Variants in DLEC1 observed in about 807,000 individuals in gnomAD.
DLEC1 encodes DLEC1 cilia and flagella associated protein, also known as deleted in lung and esophageal cancer protein 1.
Under a neutral mutation model 198.1 loss-of-function variants are expected in DLEC1, and 146 were observed. That is an observed-to-expected ratio of 0.74 (90% CI 0.64 to 0.85). The LOEUF (loss-of-function observed/expected upper bound fraction) is 0.85, where lower values mean the gene tolerates loss of function less well. Among genes scored for constraint, DLEC1 ranks in the 40% least tolerant of loss-of-function variants. The pLI, the probability that DLEC1 is intolerant of heterozygous loss-of-function variation, is 0.00. For missense variants in DLEC1, 2,233 were observed against 2,220.0 expected (o/e 1.01, Z -0.12); for synonymous variants, 897 against 866.8 (o/e 1.03, Z -0.61).
intron 2 of DLEC1, among the ~76,000 whole-genome samples, chr3:38,049,571 C>A (rs1037133031): frequency 3.3e-5 from 5 of 152,172 alleles, no homozygotes; most frequent in East Asian, 1.9e-4. Flanking sequence ...TGCCCAGGAG[C>A]CACAGTGTTA....
In DLEC1 at chr3:38,114,903, C is replaced by T. The variant is rs534341770; in HGVS notation, c.3786-80C>T. 2.1e-5 allele frequency: 27 copies of T among 1,269,570 alleles called. No individual in the cohort carries two copies. The Middle Eastern group carries it at 7.9e-4, about 37-fold the overall frequency. 78.6% of individuals were successfully genotyped at this position (1,269,570 alleles called of 1,614,324 possible). A position where few individuals can be genotyped will look rare whatever the true frequency, so the allele number is the denominator to read the frequency against. ...ACTGTGGTATTTCCCCCTGCCTGAGCCCCCAGTCCCAGCCCTCCTCCCTAC... is the reference window on the plus strand; with the variant it reads ...ACTGTGGTATTTCCCCCTGCCTGAGTCCCCAGTCCCAGCCCTCCTCCCTAC... On this transcript the variant is annotated intron_variant, in intron 26 of 36. Transcript: ENST00000308059.
intron 14 of DLEC1, 93 bp downstream of exon 14, chr3:38,096,039 T>G: frequency 6.9e-7 from 1 of 1,451,966 alleles, no homozygotes; most frequent in Admixed American, 1.8e-5. Context: ...TGAGGGGGAG[T>G]GGGCAGCCTG....
At chr3:38,118,690 C>T (rs1700308740) in intron 33 of DLEC1, among the ~76,000 whole-genome samples, 1 of 152,004 alleles carries the variant, frequency 6.6e-6, no homozygotes. Flanking sequence ...ACAGCGCCGC[C>T]CTGTCTCCTA....
chr3:38,097,625 G>A lies in DLEC1; in HGVS notation c.2553G>A (p.Glu851=), dbSNP rs200205733. Residue 851 remains glutamate (E), a synonymous_variant, in exon 17 of 37, where the codon GAG becomes GAA. Coordinates refer to ENST00000308059, the MANE Select transcript of DLEC1 (RefSeq NM_007335.4). ...CCTCGCCAGTGGTGTTACACATTGA[G>A]GCTGTCTTTAAGGTGCTGCAGGTGG... ...DSPSPVVLHI[E]AVFKGPALII... The A allele has an allele frequency of 1.1e-5, 18 of 1,614,098 alleles. No homozygotes were observed. The highest frequency in any genetic ancestry group is 1.4e-5 in the Non-Finnish European group (17 of 1,180,048).
chr3:38,087,831 G>T (rs79523093), intron 9 of DLEC1, among the ~76,000 whole-genome samples: 1 of 152,178 alleles, frequency 6.6e-6, no homozygotes, highest in Non-Finnish European at 1.5e-5. Flanking sequence ...TGCAGCTCTC[G>T]TGCCTCAGGA....
intron 7 of DLEC1, among the ~76,000 whole-genome samples, chr3:38,084,536 G>GGTT (rs1698309331): frequency 1.5e-5 from 1 of 64,758 alleles, no homozygotes; most frequent in African/African-American, 6.2e-5. Flanking sequence ...TAGTAGTGGT[G>GGTT]GTGGTAGTAG....
chr3:38,114,508 C>A, intron 26 of DLEC1, 48 bp downstream of exon 26: 1 of 1,590,446 alleles, frequency 6.3e-7, no homozygotes. Context: ...GCCCCTGAAA[C>A]CCTCCGGCCT....
chr3:38,070,082 G>A (rs1287089766), intron 6 of DLEC1, among the ~76,000 whole-genome samples: 1 of 152,144 alleles, frequency 6.6e-6, no homozygotes, highest in Non-Finnish European at 1.5e-5. Context: ...ATGTGTACCT[G>A]TATTGATGTG....
intron 1 of DLEC1, among the ~76,000 whole-genome samples, chr3:38,040,278 C>T (rs1367463598): frequency 6.6e-6 from 1 of 152,210 alleles, no homozygotes; most frequent in African/African-American, 2.4e-5. Context: ...AAGTGACATG[C>T]ATCCCACGTC....
Position 38,085,329 on chromosome 3 carries a change from T to C in DLEC1, c.1317T>C (p.Ile439=), listed in dbSNP as rs775202406. 3.1e-6 allele frequency: 5 copies of C among 1,614,152 alleles called. No individual in the cohort carries two copies. In the South Asian group the frequency reaches 3.3e-5, roughly 11 times the overall value. Residue 439 remains isoleucine, a synonymous_variant, in exon 8 of 37, where the codon ATT becomes ATC. Transcript: ENST00000308059. The part of the protein sequence containing the change: ...MVAPGMTCQY[I]VQFFPDCLGD... ...CTCCTGGAATGACCTGCCAGTACAT[T>C]GTCCAGTTTTTTCCCGACTGCCTTG...
chr3:38,117,815 G>C lies in DLEC1; in HGVS notation c.4495G>C (p.Glu1499Gln), dbSNP rs928210114. 4 of 1,613,972 alleles carry C rather than the reference G, an allele frequency of 2.5e-6. No individual in the cohort carries two copies. In the South Asian group the frequency reaches 4.4e-5, roughly 18 times the overall value. The change falls in exon 33 of 37, where the codon GAG (glutamate) becomes CAG (glutamine). Residue 1499 changes from glutamate to glutamine, a missense_variant. Physicochemically the swap from Glu to Gln is conservative, Grantham distance 29. Transcript: ENST00000308059. ...CTCTGTGGCTGCCCAGGTGCTGAGTGAGCTGGTGACCACCCACCACCTGAA... is the reference window on the plus strand; with the variant it reads ...CTCTGTGGCTGCCCAGGTGCTGAGTCAGCTGGTGACCACCCACCACCTGAA... ...PEQPCSGVLS[E>Q]LVTTHHLKLT...
chr3:38,108,327 A>T, intron 20 of DLEC1, 78 bp from the exon 21 acceptor site: 1 of 1,190,918 alleles, frequency 8.4e-7, no homozygotes, highest in Non-Finnish European at 1.2e-6. Flanking sequence ...TGCATGCAGC[A>T]GTGCTGAGCA....
In DLEC1 at chr3:38,100,270, G is replaced by A. The variant is rs1468481741; in HGVS notation, c.2725-16G>A. 2 of 1,600,596 alleles carry A rather than the reference G, an allele frequency of 1.2e-6. No homozygotes were observed. Among genetic ancestry groups the A allele is most frequent in the Admixed American group, 1.8e-5 (1 of 57,028 alleles). ...GTGTCCTCAGTGCTCATCCTCCTGA[G>A]TGTTCTCCGGGGCAGGTGTCTCCCT... is the stretch of plus-strand genomic sequence containing the variant. On this transcript the variant is annotated splice_polypyrimidine_tract_variant and intron_variant, in intron 18 of 36. Coordinates refer to ENST00000308059, the MANE Select transcript of DLEC1 (RefSeq NM_007335.4).
chr3:38,110,355 C>T, intron 23 of DLEC1, 74 bp downstream of exon 23: 1 of 1,556,092 alleles, frequency 6.4e-7, no homozygotes, highest in Non-Finnish European at 8.8e-7. Context: ...CTCTGTGTGG[C>T]TTAGGTGGCC....
chr3:38,091,223 G>A (rs1698729349), intron 10 of DLEC1, among the ~76,000 whole-genome samples: 1 of 152,094 alleles, frequency 6.6e-6, no homozygotes, highest in African/African-American at 2.4e-5. Flanking sequence ...CAGCACTTTG[G>A]GAGGCTGAGG....
At chr3:38,065,083 T>C (rs1343439025) in intron 6 of DLEC1, among the ~76,000 whole-genome samples, 1 of 152,178 alleles carries the variant, frequency 6.6e-6, no homozygotes, top group Non-Finnish European at 1.5e-5. Context: ...CCGTCTGCAA[T>C]CCCGGCACCT....
At chr3:38,052,109 G>T in intron 2 of DLEC1, 2 of 320,486 alleles carry the variant, frequency 6.2e-6, no homozygotes. Flanking sequence ...AGCAGCATGG[G>T]CTCCTCGACC....
At chr3:38,099,527 C>T (rs376514551) in intron 18 of DLEC1, among the ~76,000 whole-genome samples, 2 of 152,094 alleles carry the variant, frequency 1.3e-5, no homozygotes, top group Non-Finnish European at 2.9e-5. Flanking sequence ...GATTAGGGGA[C>T]GCAGAGCTGC....
chr3:38,072,841 A>T (rs1208868662), intron 6 of DLEC1, among the ~76,000 whole-genome samples: 2 of 152,016 alleles, frequency 1.3e-5, no homozygotes, highest in African/African-American at 4.8e-5. Context: ...TGAGTTTTGG[A>T]GGGAGATACC....
Sources: allele counts gnomAD v4.1 joint callset (sites outside exome capture counted in the v4.1 genomes callset), GRCh38; gene constraint gnomAD v4.1.1; transcripts MANE v1.5; gene names NCBI Gene and HGNC (gene_info 2026-07-23, HGNC 2026-07-21).